The following ERO1A variants were observed in gnomAD, a reference collection of about 807,000 sequenced individuals.
ERO1A encodes endoplasmic reticulum oxidoreductase 1 alpha.
ERO1A carries 49 observed loss-of-function variants against 76.9 expected under a neutral mutation model. That is an observed-to-expected ratio of 0.64 (90% CI 0.51 to 0.81). The LOEUF (loss-of-function observed/expected upper bound fraction) is 0.81. ERO1A is among the 30% of genes least tolerant of loss of function. The probability of loss-of-function intolerance (pLI) is 0.00; values close to 1 mark genes in which losing one functional copy is unlikely to be tolerated. For missense variants in ERO1A, 448 were observed against 542.1 expected, an observed-to-expected ratio of 0.83 and a Z score of 1.72; for synonymous variants, 174 against 181.2, an observed-to-expected ratio of 0.96 and a Z score of 0.32.
At position 52,688,615 on chromosome 14, in the gene ERO1A, G is replaced by A. The variant is rs2041255535; in HGVS notation, c.115-4708C>T. ...AAGCAGCACATGGCATTTTCATAATGAATAAGAAAAATACAGCCGAATTTG... is the reference window on the plus strand; with the variant it reads ...AAGCAGCACATGGCATTTTCATAATAAATAAGAAAAATACAGCCGAATTTG... On this transcript the variant is annotated intron_variant, in intron 1 of 15. Coordinates refer to ENST00000395686, the MANE Select transcript of ERO1A (RefSeq NM_014584.3). Among the ~76,000 whole-genome samples, 5 of 152,234 alleles carry A rather than the reference G, an allele frequency of 3.3e-5. No individual in the cohort carries two copies. The East Asian group carries it at 5.8e-4, about 18-fold the overall frequency.
In ERO1A at chr14:52,643,713, T is replaced by A; in HGVS notation, c.1347-83A>T. Reference sequence around the variant, plus strand: ...GTTATTCACTTTGCATTTTAAAACATTTTTAAAGTAATTTATTTCAATAAA... The same window carrying A: ...GTTATTCACTTTGCATTTTAAAACAATTTTAAAGTAATTTATTTCAATAAA... On this transcript the variant is annotated intron_variant, in intron 15 of 15. Coordinates refer to ENST00000395686, the MANE Select transcript of ERO1A (RefSeq NM_014584.3). The A allele has an allele frequency of 4.3e-6, 3 of 700,708 alleles. 1 individual carries two copies. The Middle Eastern group carries it at 1.2e-3, about 282-fold the overall frequency. The allele number at this position is 700,708 out of a possible 1,614,324, so 43.4% of individuals were successfully genotyped here. A position where few individuals can be genotyped will look rare whatever the true frequency, so the allele number is the denominator to read the frequency against.
At chr14:52,667,096 TATAAC>T (rs2040438579) in intron 6 of ERO1A, among the ~76,000 whole-genome samples, 1 of 152,190 alleles carries the variant, frequency 6.6e-6, no homozygotes, top group South Asian at 2.1e-4. Flanking sequence ...AGACAAAGAA[TATAAC>T]ATACATTTCC....
chr14:52,649,093 T>A (rs1278698685), intron 13 of ERO1A, among the ~76,000 whole-genome samples: 1 of 152,206 alleles, frequency 6.6e-6, no homozygotes, highest in East Asian at 1.9e-4. Flanking sequence ...AAATAACCAG[T>A]ACCTAAATCA....
chr14:52,664,541 T>C (rs141577755), intron 7 of ERO1A, among the ~76,000 whole-genome samples: 126 of 152,334 alleles, frequency 8.3e-4, no homozygotes, highest in Non-Finnish European at 1.7e-3. Flanking sequence ...TATTTTAAAA[T>C]ACACAATATA....
At chr14:52,676,877 A>C (rs1244205199) in intron 4 of ERO1A, among the ~76,000 whole-genome samples, 2 of 131,650 alleles carry the variant, frequency 1.5e-5, no homozygotes, top group African/African-American at 7.6e-5. Flanking sequence ...ATCTACCCCA[A>C]AAAAAAAAAA....
At chr14:52,661,630 T>G (rs2139677516) in intron 8 of ERO1A, among the ~76,000 whole-genome samples, 1 of 152,324 alleles carries the variant, frequency 6.6e-6, no homozygotes, top group South Asian at 2.1e-4. Flanking sequence ...GGACCTACGT[T>G]TACTTGGCTG....
intron 6 of ERO1A, among the ~76,000 whole-genome samples, chr14:52,669,462 C>T (rs963747304): frequency 1.3e-5 from 2 of 152,130 alleles, no homozygotes; most frequent in Non-Finnish European, 2.9e-5. Flanking sequence ...GGGAGAACAT[C>T]TTATCCCCTT....
intron 13 of ERO1A, among the ~76,000 whole-genome samples, chr14:52,651,729 T>C (rs1263045025): frequency 6.6e-6 from 1 of 152,200 alleles, no homozygotes; most frequent in African/African-American, 2.4e-5. Flanking sequence ...ATATTTACAA[T>C]ATGAAGTGAT....
At position 52,646,432 on chromosome 14, in the gene ERO1A, A is replaced by C. The variant is rs780920634; in HGVS notation, c.1155T>G (p.Ile385Met). The change falls in exon 14 of 16, where the codon ATT (isoleucine) becomes ATG (methionine). Residue 385 changes from isoleucine (I) to methionine (M), a missense_variant. Physicochemically the swap from Ile to Met is conservative, Grantham distance 10. This residue lies in a region of ERO1A where 302 missense variants were observed against 411.9 expected (regional missense o/e 0.73). Coordinates refer to ENST00000395686, the MANE Select transcript of ERO1A (RefSeq NM_014584.3). The stretch of plus-strand genomic sequence containing the variant: ...AACCAACACAATCCATAATTCTTGA[A>C]ATATTTCTAAAATGCAGTCGAAAGT... ...KEDFRLHFRN[I>M]SRIMDCVGCF... 6.2e-7 allele frequency: 1 copy of C among 1,612,702 alleles called. No individual in the cohort carries two copies. The highest frequency in any genetic ancestry group is 1.3e-5 in the African/African-American group (1 of 74,972).
chr14:52,653,802 T>C (rs536699561), intron 11 of ERO1A, among the ~76,000 whole-genome samples: 3 of 152,122 alleles, frequency 2.0e-5, no homozygotes, highest in African/African-American at 7.2e-5. Flanking sequence ...CTTAAAATTC[T>C]GAGTTCTGCT....
At chr14:52,657,322 T>C (rs2040084926) in intron 11 of ERO1A, among the ~76,000 whole-genome samples, 1 of 152,160 alleles carries the variant, frequency 6.6e-6, no homozygotes. Context: ...CCAAGTGCCC[T>C]CCCAGGCTAA....
chr14:52,666,842 A>G (rs2040429168), intron 6 of ERO1A, among the ~76,000 whole-genome samples: 1 of 152,124 alleles, frequency 6.6e-6, no homozygotes, highest in African/African-American at 2.4e-5. Flanking sequence ...GCAACAGGAG[A>G]ATCACTTGAA....
At chr14:52,658,060 GACAT>G in intron 10 of ERO1A, 51 bp from the exon 11 acceptor site, 1 of 1,500,880 alleles carries the variant, frequency 6.7e-7, no homozygotes, top group South Asian at 1.2e-5. Context: ...GAATCTTGTA[GACAT>G]AAAATTAATC....
chr14:52,669,224 G>A (rs1182101518), intron 6 of ERO1A, among the ~76,000 whole-genome samples: 2 of 152,082 alleles, frequency 1.3e-5, no homozygotes, highest in African/African-American at 4.8e-5. Flanking sequence ...ATGGGCAAGT[G>A]ATTCACCAAA....
intron 15 of ERO1A, among the ~76,000 whole-genome samples, chr14:52,645,043 T>G (rs974207570): frequency 6.6e-6 from 1 of 152,190 alleles, no homozygotes; most frequent in Non-Finnish European, 1.5e-5. Context: ...GTAAGTTCCT[T>G]ATTTCATGCT....
At chr14:52,670,786 T>C (rs7151815) in intron 6 of ERO1A, among the ~76,000 whole-genome samples, 3,953 of 152,306 alleles carry the variant, frequency 0.026, 127 homozygotes, top group African/African-American at 0.071. Flanking sequence ...ACAAGCTACA[T>C]AGAACTGCAA....
intron 13 of ERO1A, among the ~76,000 whole-genome samples, chr14:52,651,007 G>A (rs371560675): frequency 5.9e-4 from 89 of 151,334 alleles, no homozygotes; most frequent in Middle Eastern, 3.4e-3. Flanking sequence ...AATGGCTCAC[G>A]CCTGTAATCC....
chr14:52,691,031 T>C (rs2041336893), intron 1 of ERO1A, among the ~76,000 whole-genome samples: 1 of 152,130 alleles, frequency 6.6e-6, no homozygotes, highest in African/African-American at 2.4e-5. Flanking sequence ...CCTCCCAAAG[T>C]GTTGGAATTA....
Position 52,671,632 on chromosome 14 carries a change from T to C in ERO1A, c.506A>G (p.Asp169Gly). Residue 169 changes from aspartate (D) to glycine (G), a missense_variant and splice_region_variant, in exon 6 of 16, where the codon GAT (aspartate) becomes GGT (glycine). This residue lies in a region of ERO1A where 302 missense variants were observed against 411.9 expected (regional missense o/e 0.73). Coordinates refer to ENST00000395686, the MANE Select transcript of ERO1A (RefSeq NM_014584.3). ...GCATACTATCAAAAATATTATACCA[T>C]CAGCTTCACAGAAGTTATCTGAAGA... Reference protein sequence around the residue: ...DDSSDNFCEADDIQSPEAEYV... With the variant: ...DDSSDNFCEAGDIQSPEAEYV... 2.5e-6 allele frequency: 4 copies of C among 1,599,590 alleles called. No individual in the cohort carries two copies. Among genetic ancestry groups the C allele is most frequent in the Non-Finnish European group, 3.4e-6 (4 of 1,170,278 alleles).
Sources: allele counts gnomAD v4.1 joint callset (sites outside exome capture counted in the v4.1 genomes callset), GRCh38; gene constraint gnomAD v4.1.1; regional missense constraint gnomAD v4.1.1; transcripts MANE v1.5; gene names NCBI Gene and HGNC (gene_info 2026-07-23, HGNC 2026-07-21).